ANKRD42: variants seen among roughly 807,000 people sequenced by gnomAD.
ANKRD42 encodes the protein ankyrin repeat domain 42, also known as ankyrin repeat domain-containing protein 42.
Under a neutral mutation model 51.5 loss-of-function variants are expected in ANKRD42, and 43 were observed. That is an observed-to-expected ratio of 0.83 (90% CI 0.65 to 1.08). The LOEUF (loss-of-function observed/expected upper bound fraction) is 1.08. ANKRD42 is among the 50% of genes least tolerant of loss of function. The probability of loss-of-function intolerance (pLI) is 0.00; values close to 1 mark genes in which losing one functional copy is unlikely to be tolerated. For missense variants in ANKRD42, 608 were observed against 629.3 expected (o/e 0.97, Z 0.36); for synonymous variants, 203 against 213.0 (o/e 0.95, Z 0.41).
chr11:83,198,359 T>G, intron 1 of ANKRD42, 120 bp from the exon 2 acceptor site: 1 of 979,138 alleles, frequency 1.0e-6, no homozygotes, highest in East Asian at 2.7e-5. Context: ...ACAAACATCT[T>G]TGTAGTAAAT....
intron 7 of ANKRD42, among the ~76,000 whole-genome samples, chr11:83,234,093 G>T (rs1863159994): frequency 6.6e-6 from 1 of 152,154 alleles, no homozygotes; most frequent in Non-Finnish European, 1.5e-5. Flanking sequence ...TTTGTATGTT[G>T]TGTTTCCATT....
At chr11:83,253,953 A>G (rs1218533155), downstream of ANKRD42, among the ~76,000 whole-genome samples, 2 of 152,138 alleles carry the variant, frequency 1.3e-5, no homozygotes, top group Admixed American at 6.6e-5. Context: ...GTAAAGAAAA[A>G]TAAGTATTGC....
At chr11:83,260,418 T>C (rs1863875909), downstream of ANKRD42, 1 of 152,168 alleles carries the variant, frequency 6.6e-6, no homozygotes, top group Non-Finnish European at 1.5e-5. Context: ...TAATCTATAA[T>C]ATACTAAGAA....
At position 83,206,009 on chromosome 11, in the gene ANKRD42, A is replaced by G. The variant is rs768179905; in HGVS notation, c.223-49A>G. 16 of 1,491,030 alleles carry G rather than the reference A, an allele frequency of 1.1e-5. No homozygotes were observed. The East Asian group carries it at 2.7e-4, about 25-fold the overall frequency. The allele number at this position is 1,491,030 out of a possible 1,614,324, so 92.4% of individuals were successfully genotyped here. A position where few individuals can be genotyped will look rare whatever the true frequency, so the allele number is the denominator to read the frequency against. On this transcript the variant is annotated intron_variant, in intron 2 of 10. Coordinates refer to ENST00000533342, the MANE Select transcript of ANKRD42 (RefSeq NM_001300975.2). ...AACAGACCAAATTTAAAAGATAAAA[A>G]TGTTAAAAACATCCACTTTATCACT... is the stretch of plus-strand genomic sequence containing the variant.
rs139696239 is a variant in ANKRD42, at chr11:83,219,156, A to T, written c.587-5699A>T. On this transcript the variant is annotated intron_variant, in intron 5 of 10. Coordinates refer to ENST00000533342, the MANE Select transcript of ANKRD42 (RefSeq NM_001300975.2). ...TTAGTCCTGGGACTCGTCTTCCCTA[A>T]AGGCATCCCCTAAGGGTCAGGTCCA... Among the ~76,000 whole-genome samples the T allele has an allele frequency of 6.6e-5, 10 of 152,288 alleles. No individual in the cohort carries two copies. In the East Asian group the frequency reaches 1.9e-3, roughly 29 times the overall value.
chr11:83,242,829 C>T lies in ANKRD42; in HGVS notation c.1195+1895C>T, dbSNP rs182127359. Among the ~76,000 whole-genome samples the T allele has an allele frequency of 4.6e-5, 7 of 152,228 alleles. No individual in the cohort carries two copies. The East Asian group carries it at 1.4e-3, about 29-fold the overall frequency. ...CCACCCGTCTTGGCCTCCCGAAGTG[C>T]TGGGATTACAGGCGTGAGCCACTGT... On this transcript the variant is annotated intron_variant, in intron 9 of 10. Coordinates refer to ENST00000533342, the MANE Select transcript of ANKRD42 (RefSeq NM_001300975.2).
exon 12 of ANKRD42, chr11:83,255,903 C>A: frequency 6.5e-7 from 1 of 1,534,206 alleles, no homozygotes; most frequent in East Asian, 2.5e-5. Flanking sequence ...AAAAAGGTTT[C>A]TTCTGGAGGG....
intron 8 of ANKRD42, among the ~76,000 whole-genome samples, chr11:83,237,982 A>G (rs892788395): frequency 4.6e-5 from 7 of 152,180 alleles, no homozygotes; most frequent in African/African-American, 1.4e-4. Context: ...GAATCATACA[A>G]TATATATTTA....
At chr11:83,213,182 G>A in intron 5 of ANKRD42, 5 of 1,601,198 alleles carry the variant, frequency 3.1e-6, no homozygotes, top group East Asian at 4.5e-5. Context: ...AACATTGGTT[G>A]TGGGAGCGAC....
At chr11:83,223,192 G>A (rs761242630) in intron 5 of ANKRD42, among the ~76,000 whole-genome samples, 6 of 152,154 alleles carry the variant, frequency 3.9e-5, no homozygotes, top group Non-Finnish European at 8.8e-5. Flanking sequence ...GGAGGTTTCA[G>A]TGAGCCAAGA....
Position 83,226,442 on chromosome 11 carries a change from A to G in ANKRD42, c.788-1305A>G, listed in dbSNP as rs374866425. Among the ~76,000 whole-genome samples, 12 of 152,360 alleles carry G rather than the reference A, an allele frequency of 7.9e-5. No individual in the cohort carries two copies. The East Asian group carries it at 1.9e-3, about 24-fold the overall frequency. On this transcript the variant is annotated intron_variant, in intron 6 of 10. Transcript: ENST00000533342. ...ATACTTGGTTACCAAAGAATTCATAATTTAACCCTCTCAATGCATCTGAAA... is the reference window on the plus strand; with the variant it reads ...ATACTTGGTTACCAAAGAATTCATAGTTTAACCCTCTCAATGCATCTGAAA...
chr11:83,225,092 G>A (rs1171437426), intron 6 of ANKRD42, 37 bp downstream of exon 6: 2 of 1,396,944 alleles, frequency 1.4e-6, no homozygotes, highest in Non-Finnish European at 2.0e-6. Context: ...CATATAATGT[G>A]ATGATGATGA....
downstream of ANKRD42, among the ~76,000 whole-genome samples, chr11:83,258,486 A>T (rs1863810560): frequency 6.6e-6 from 1 of 152,132 alleles, no homozygotes; most frequent in African/African-American, 2.4e-5. Flanking sequence ...ATTTGGAGTT[A>T]AAGACTTGAG....
intron 1 of ANKRD42, among the ~76,000 whole-genome samples, chr11:83,196,074 C>T (rs1020873882): frequency 1.1e-4 from 16 of 152,228 alleles, no homozygotes; most frequent in Non-Finnish European, 2.1e-4. Context: ...CTCCTCCTGA[C>T]CTCATGATCT....
intron 2 of ANKRD42, among the ~76,000 whole-genome samples, chr11:83,205,766 T>C (rs772981884): frequency 1.3e-5 from 2 of 152,204 alleles, no homozygotes; most frequent in Non-Finnish European, 1.5e-5. Flanking sequence ...TTTACAAACA[T>C]TGGATAAGCA....
At chr11:83,256,086 G>C in exon 12 of ANKRD42, 1 of 546,056 alleles carries the variant, frequency 1.8e-6, no homozygotes, top group Non-Finnish European at 3.1e-6. Flanking sequence ...GAGATTTAGA[G>C]ATTTTTTAAA....
At chr11:83,216,529 T>G (rs377083360) in intron 5 of ANKRD42, among the ~76,000 whole-genome samples, 51 of 152,162 alleles carry the variant, frequency 3.4e-4, no homozygotes, top group African/African-American at 1.2e-3. Context: ...TTTCACCGTG[T>G]TAGCCAGGAT....
chr11:83,203,997 C>T (rs753970925), intron 2 of ANKRD42, among the ~76,000 whole-genome samples: 1 of 152,094 alleles, frequency 6.6e-6, no homozygotes, highest in Non-Finnish European at 1.5e-5. Context: ...GGCTGGAGTA[C>T]AGTGGCATGA....
chr11:83,240,650 T>A, intron 8 of ANKRD42, 109 bp from the exon 9 acceptor site: 3 of 1,209,516 alleles, frequency 2.5e-6, no homozygotes, highest in Non-Finnish European at 2.3e-6. Flanking sequence ...GGCTGGTGAG[T>A]GGATTGATGG....
Sources: gnomAD v4.1 joint callset for allele counts (sites outside exome capture counted in the v4.1 genomes callset) on GRCh38, gnomAD v4.1.1 for gene constraint, MANE v1.5 for transcripts, NCBI Gene and HGNC (gene_info 2026-07-23, HGNC 2026-07-21) for gene names.